Variants in NRG1 observed in about 807,000 individuals in gnomAD.
NRG1 encodes neuregulin 1, also known as pro-neuregulin-1, membrane-bound isoform.
NRG1 carries 18 observed loss-of-function variants against 63.8 expected under a neutral mutation model. The observed-to-expected ratio is 0.28, with a 90% CI of 0.19 to 0.42. The LOEUF (loss-of-function observed/expected upper bound fraction) is 0.42. Ranked by LOEUF, NRG1 falls within the 10% of genes least tolerant of loss-of-function variation. NRG1 has a pLI of 1.00. For synonymous variants in NRG1, 302 were observed against 301.3 expected, an observed-to-expected ratio of 1.00 and a Z score of -0.02; for missense variants, 762 against 814.7, an observed-to-expected ratio of 0.94 and a Z score of 0.79.
intron 1 of NRG1, among the ~76,000 whole-genome samples, chr8:31,714,918 A>AT (rs893623529): frequency 2.3e-4 from 35 of 151,604 alleles, no homozygotes; most frequent in Admixed American, 5.3e-4. Context: ...TAGCCTTGTG[A>AT]TTTTTTTTTC....
intron 1 of NRG1, among the ~76,000 whole-genome samples, chr8:32,167,630 T>C (rs959893884): frequency 6.6e-6 from 1 of 152,190 alleles, no homozygotes; most frequent in African/African-American, 2.4e-5. Flanking sequence ...GTTTGGGATA[T>C]GATAAAATGT....
chr8:31,974,574 C>T (rs946970824), intron 1 of NRG1, among the ~76,000 whole-genome samples: 4 of 152,146 alleles, frequency 2.6e-5, no homozygotes, highest in Admixed American at 6.6e-5. Context: ...CATCAAATAA[C>T]TTTGGGGCAT....
At chr8:31,858,105 C>G (rs1242271557) in intron 1 of NRG1, among the ~76,000 whole-genome samples, 1 of 152,160 alleles carries the variant, frequency 6.6e-6, no homozygotes, top group Non-Finnish European at 1.5e-5. Context: ...CGAGATCATC[C>G]TGGCTAACAC....
chr8:32,249,090 TC>T (rs1848849133), intron 1 of NRG1, among the ~76,000 whole-genome samples: 1 of 92,118 alleles, frequency 1.1e-5, no homozygotes, highest in African/African-American at 5.0e-5. Flanking sequence ...AGAATAGAGC[TC>T]CTTTAAGAGA....
chr8:31,658,209 T>C (rs549577754), intron 1 of NRG1, among the ~76,000 whole-genome samples: 8 of 152,144 alleles, frequency 5.3e-5, no homozygotes, highest in African/African-American at 1.9e-4. Flanking sequence ...ACATTTATAT[T>C]TCTCCAGGAA....
chr8:32,512,353 T>C (rs1829317206), intron 1 of NRG1, among the ~76,000 whole-genome samples: 1 of 152,202 alleles, frequency 6.6e-6, no homozygotes, highest in African/African-American at 2.4e-5. Flanking sequence ...CTTACTAAAC[T>C]AAATTTGACA....
intron 1 of NRG1, among the ~76,000 whole-genome samples, chr8:31,777,977 C>T (rs1484195182): frequency 1.3e-5 from 2 of 152,086 alleles, no homozygotes; most frequent in African/African-American, 4.8e-5. Context: ...ATGGAGGGGA[C>T]AAATATCCAA....
intron 1 of NRG1, among the ~76,000 whole-genome samples, chr8:31,785,717 G>GT (rs1274030019): frequency 3.9e-5 from 6 of 152,056 alleles, no homozygotes; most frequent in Non-Finnish European, 5.9e-5. Context: ...CATTATTTTT[G>GT]TTTTTTTCTT....
chr8:31,714,547 A>G (rs553907420), intron 1 of NRG1, among the ~76,000 whole-genome samples: 1 of 152,290 alleles, frequency 6.6e-6, no homozygotes, highest in Non-Finnish European at 1.5e-5. Context: ...TGACCATAAA[A>G]TGCTTGAATT....
At chr8:31,929,291 G>A (rs1206695132) in intron 1 of NRG1, among the ~76,000 whole-genome samples, 1 of 152,012 alleles carries the variant, frequency 6.6e-6, no homozygotes, top group African/African-American at 2.4e-5. Flanking sequence ...AGAAAAATAA[G>A]AGGCAGATGT....
At chr8:32,560,106 T>C (rs1160182500) in intron 1 of NRG1, among the ~76,000 whole-genome samples, 2 of 152,170 alleles carry the variant, frequency 1.3e-5, no homozygotes, top group East Asian at 3.9e-4. Flanking sequence ...CATCAATAAA[T>C]GTTCATAAAT....
chr8:32,066,385 A>C (rs1373357515), intron 1 of NRG1, among the ~76,000 whole-genome samples: 1 of 152,224 alleles, frequency 6.6e-6, no homozygotes, highest in Non-Finnish European at 1.5e-5. Context: ...GAAGGGATCC[A>C]GTTTCAGCTT....
chr8:31,828,004 C>T (rs1824738754), intron 1 of NRG1, among the ~76,000 whole-genome samples: 1 of 152,214 alleles, frequency 6.6e-6, no homozygotes, highest in South Asian at 2.1e-4. Flanking sequence ...ATTTTAAAAA[C>T]TGAAGAATAT....
intron 1 of NRG1, among the ~76,000 whole-genome samples, chr8:32,189,793 C>T (rs1283526897): frequency 6.6e-6 from 1 of 152,082 alleles, no homozygotes; most frequent in Non-Finnish European, 1.5e-5. Context: ...TCACTGTGTT[C>T]CTCTGAGAAC....
chr8:31,864,449 G>A (rs1337589120), intron 1 of NRG1, among the ~76,000 whole-genome samples: 1 of 152,128 alleles, frequency 6.6e-6, no homozygotes, highest in Non-Finnish European at 1.5e-5. Flanking sequence ...TCCAAGGTGT[G>A]GTGTTTGAAC....
chr8:32,240,778 T>A (rs1259876817), intron 1 of NRG1, among the ~76,000 whole-genome samples: 1 of 152,018 alleles, frequency 6.6e-6, no homozygotes, highest in Admixed American at 6.6e-5. Flanking sequence ...CCATAATTAT[T>A]TCAAGATAAA....
intron 1 of NRG1, among the ~76,000 whole-genome samples, chr8:32,347,413 C>T (rs1346196684): frequency 1.3e-5 from 2 of 152,148 alleles, no homozygotes; most frequent in Admixed American, 1.3e-4. Flanking sequence ...GTTCAATATG[C>T]TTCCCAGGTG....
chr8:32,548,317 G>C lies in NRG1; in HGVS notation c.-410G>C, dbSNP rs1387113906. The C allele has an allele frequency of 5.0e-6, 5 of 995,312 alleles. No homozygotes were observed. The East Asian group carries it at 4.3e-4, about 85-fold the overall frequency. The allele number at this position is 995,312 out of a possible 1,614,324, so 61.7% of individuals were successfully genotyped here. ...GCCGGCGAGGAGTTCCCCGAAACTT[G>C]TTGGAACTCCGGGCTCGCGCGGAGG... is the stretch of plus-strand genomic sequence containing the variant. On this transcript the variant is annotated 5_prime_UTR_variant, in exon 1 of 12. Coordinates refer to ENST00000356819, the Ensembl canonical transcript of NRG1.
Position 31,748,454 on chromosome 8 carries a change from T to C in NRG1, c.37+109023T>C, listed in dbSNP as rs547427503. Among the ~76,000 whole-genome samples, 7 of 152,042 alleles carry C rather than the reference T, an allele frequency of 4.6e-5. No homozygotes were observed. In the East Asian group the frequency reaches 1.4e-3, roughly 29 times the overall value. On this transcript the variant is annotated intron_variant, in intron 1 of 10. Coordinates refer to the NRG1 transcript ENST00000519301. ...CAATCACTTGTCTGAAATTTTGCCTTTAACTATTTCACATTTTGCCTCACT... is the reference window on the plus strand; with the variant it reads ...CAATCACTTGTCTGAAATTTTGCCTCTAACTATTTCACATTTTGCCTCACT...
Sources: gnomAD v4.1 joint callset for allele counts (sites outside exome capture counted in the v4.1 genomes callset) on GRCh38, gnomAD v4.1.1 for gene constraint, MANE v1.5 for transcripts, NCBI Gene and HGNC (gene_info 2026-07-23, HGNC 2026-07-21) for gene names.